Variants in AGK observed in about 807,000 individuals in gnomAD.
The protein encoded by AGK is acylglycerol kinase, also known as acylglycerol kinase, mitochondrial.
Under a neutral mutation model 66.4 loss-of-function variants are expected in AGK, and 52 were observed. The ratio of observed to expected loss-of-function variants is 0.78; its 90% CI spans 0.63 to 0.99. AGK has a LOEUF of 0.99. Ranked by LOEUF, AGK falls within the 50% of genes least tolerant of loss-of-function variation. The pLI, the probability that AGK is intolerant of heterozygous loss-of-function variation, is 0.00. For missense variants in AGK, 451 were observed against 506.6 expected (o/e 0.89, Z 1.05); for synonymous variants, 182 against 181.1 (o/e 1.00, Z -0.04).
intron 2 of AGK, among the ~76,000 whole-genome samples, chr7:141,567,822 G>C (rs1795503605): frequency 6.6e-6 from 1 of 152,190 alleles, no homozygotes; most frequent in Non-Finnish European, 1.5e-5. Flanking sequence ...AAGAAAGGAG[G>C]CAGTGGAGTA....
Position 141,596,081 on chromosome 7 carries a change from C to T in AGK, c.142-481C>T, listed in dbSNP as rs1587107630. On this transcript the variant is annotated intron_variant, in intron 3 of 15. Transcript: ENST00000649286. ...GCTATTTAGTTATCATACAGGGTTG[C>T]AAAGAAGAGAAGGCAAATAGAGTAT... Among the ~76,000 whole-genome samples, 3 of 152,202 alleles carry T rather than the reference C, an allele frequency of 2.0e-5. No individual in the cohort carries two copies. In the East Asian group the frequency reaches 5.8e-4, roughly 29 times the overall value.
intron 4 of AGK, among the ~76,000 whole-genome samples, chr7:141,599,487 G>C (rs1162145177): frequency 6.6e-6 from 1 of 152,014 alleles, no homozygotes; most frequent in Non-Finnish European, 1.5e-5. Context: ...TCATTTTAGA[G>C]GTTTTCTGAA....
intron 1 of AGK, among the ~76,000 whole-genome samples, chr7:141,552,144 G>C (rs1319384070): frequency 6.6e-6 from 1 of 152,110 alleles, no homozygotes. Flanking sequence ...ATCTTGGTTT[G>C]TTCTTTTAGG....
At chr7:141,621,011 T>C (rs1796811575) in intron 8 of AGK, among the ~76,000 whole-genome samples, 1 of 152,162 alleles carries the variant, frequency 6.6e-6, no homozygotes, top group Non-Finnish European at 1.5e-5. Context: ...TCTGTCCACC[T>C]AAGGGAAGAG....
At chr7:141,638,634 G>A (rs1401674434) in intron 11 of AGK, among the ~76,000 whole-genome samples, 2 of 152,144 alleles carry the variant, frequency 1.3e-5, no homozygotes, top group Non-Finnish European at 2.9e-5. Context: ...TAACAGTATT[G>A]ACAATAGAAG....
chr7:141,596,411 T>G, intron 3 of AGK, 151 bp from the exon 4 acceptor site: 1 of 620,132 alleles, frequency 1.6e-6, no homozygotes, highest in Non-Finnish European at 2.9e-6. Context: ...TTGATGGTGT[T>G]TTCGTTAATA....
At position 141,580,891 on chromosome 7, in the gene AGK, C is replaced by T. The variant is rs138114115; in HGVS notation, c.102-12255C>T. Among the ~76,000 whole-genome samples, 207 of 152,000 alleles carry T rather than the reference C, an allele frequency of 1.4e-3. 5 individuals are homozygous for T. The highest frequency in any genetic ancestry group is 4.8e-3 in the African/African-American group (200 of 41,330). ...GTGTGGGAGCAGCTTCTAAAGCTGTCTTCAAGGAATGGAAAGAGGAGTGGG... is the reference window on the plus strand; with the variant it reads ...GTGTGGGAGCAGCTTCTAAAGCTGTTTTCAAGGAATGGAAAGAGGAGTGGG... On this transcript the variant is annotated intron_variant, in intron 2 of 15. Coordinates refer to ENST00000649286, the MANE Select transcript of AGK (RefSeq NM_018238.4).
At chr7:141,644,826 C>T (rs923488564) in intron 13 of AGK, among the ~76,000 whole-genome samples, 6 of 152,052 alleles carry the variant, frequency 3.9e-5, no homozygotes, top group South Asian at 2.1e-4. Flanking sequence ...GTTGTCCAAG[C>T]GCCATTTATT....
Position 141,558,347 on chromosome 7 carries a change from G to GT in AGK, c.101+2794dup, listed in dbSNP as rs71172603. Among the ~76,000 whole-genome samples, 741 of 140,648 alleles carry GT rather than the reference G, an allele frequency of 5.3e-3. 2 individuals carry two copies. Among genetic ancestry groups the GT allele is most frequent in the African/African-American group, 0.012 (458 of 38,984 alleles). The allele number at this position is 140,648 out of a possible 152,430, so 92.3% of individuals were successfully genotyped here. A position where few individuals can be genotyped will look rare whatever the true frequency, so the allele number is the denominator to read the frequency against. ...AATTTTTCCATTTTTAGTAGAGATGGTTTTTTTTTTTTTTAACCATGTTGG... is the reference window on the plus strand; with the variant it reads ...AATTTTTCCATTTTTAGTAGAGATGGTTTTTTTTTTTTTTTAACCATGTTGG... On this transcript the variant is annotated intron_variant, in intron 2 of 15. Coordinates refer to ENST00000649286, the MANE Select transcript of AGK (RefSeq NM_018238.4).
At chr7:141,600,100 G>A (rs1484930987) in intron 4 of AGK, among the ~76,000 whole-genome samples, 1 of 152,048 alleles carries the variant, frequency 6.6e-6, no homozygotes, top group Admixed American at 6.6e-5. Flanking sequence ...TTAAATTCTT[G>A]TATAAAGTAT....
chr7:141,593,323 C>T (rs775574204), intron 3 of AGK, 138 bp downstream of exon 3: 35 of 784,334 alleles, frequency 4.5e-5, no homozygotes, highest in Admixed American at 7.9e-5. Context: ...GGATGAATCA[C>T]GCTGGGAGCC....
intron 10 of AGK, among the ~76,000 whole-genome samples, chr7:141,635,148 C>T (rs537792779): frequency 2.0e-5 from 3 of 152,272 alleles, no homozygotes; most frequent in South Asian, 4.1e-4. Flanking sequence ...TACAGATCAA[C>T]GCTTTTAGGA....
Position 141,641,907 on chromosome 7 carries a change from CAGTA to C in AGK, c.975+3_975+6del. 4.4e-6 allele frequency: 7 copies of C among 1,573,256 alleles called. No individual in the cohort carries two copies. Among genetic ancestry groups the C allele is most frequent in the Non-Finnish European group, 6.0e-6 (7 of 1,157,898 alleles). On this transcript the variant is annotated splice_donor_variant and splice_donor_region_variant and coding_sequence_variant and intron_variant, in exon 13 of 16. Transcript: ENST00000649286. LOFTEE classifies it high-confidence loss of function. ...ACACGGAATAATCAGCTTGACCCGA[CAGTA>C]AGTGTGCTTTTTTATTAGAAAAGCA...
chr7:141,652,813 CAGTG>C lies in AGK; in HGVS notation c.1161_1164del (p.Ser387ArgfsTer10), dbSNP rs1472430347. 18 of 1,613,570 alleles carry C rather than the reference CAGTG, an allele frequency of 1.1e-5. No homozygotes were observed. The highest frequency in any genetic ancestry group is 2.2e-5 in the East Asian group (1 of 44,884). ...GAGCAGGGGGCTCTTTTAGCATTGA[CAGTG>C]AGGAGTATGAAGCGATGCCTGTGGA... On this transcript the variant is annotated frameshift_variant, in exon 16 of 16. Transcript: ENST00000649286. LOFTEE classifies it high-confidence loss of function.
intron 1 of AGK, among the ~76,000 whole-genome samples, chr7:141,552,609 G>A (rs1199564358): frequency 6.6e-6 from 1 of 152,208 alleles, no homozygotes; most frequent in Admixed American, 6.5e-5. Flanking sequence ...CTGTTGATGA[G>A]ATTCAGGACA....
chr7:141,613,745 G>A (rs1796646235), intron 6 of AGK, among the ~76,000 whole-genome samples: 1 of 152,102 alleles, frequency 6.6e-6, no homozygotes, highest in South Asian at 2.1e-4. Context: ...CAATAAGAAC[G>A]ATTTGTTAAG....
intron 2 of AGK, among the ~76,000 whole-genome samples, chr7:141,572,803 TG>T (rs34781649): frequency 0.034 from 5,163 of 151,182 alleles, 138 homozygotes; most frequent in South Asian, 0.15. Context: ...CGACAGGCTA[TG>T]GGGGGGGGAA....
intron 2 of AGK, among the ~76,000 whole-genome samples, chr7:141,581,382 C>T (rs936450266): frequency 6.6e-6 from 1 of 151,860 alleles, no homozygotes; most frequent in African/African-American, 2.4e-5. Flanking sequence ...TTTGGCACCA[C>T]AGGGTGGATA....
chr7:141,636,096 T>C (rs1175090730), intron 10 of AGK, among the ~76,000 whole-genome samples: 1 of 152,232 alleles, frequency 6.6e-6, no homozygotes, highest in Non-Finnish European at 1.5e-5. Flanking sequence ...GTAGCTTTTA[T>C]GTATTTAGCA....
Sources: allele counts gnomAD v4.1 joint callset (sites outside exome capture counted in the v4.1 genomes callset), GRCh38; gene constraint gnomAD v4.1.1; transcripts MANE v1.5; gene names NCBI Gene and HGNC (gene_info 2026-07-23, HGNC 2026-07-21).